The following COL23A1 variants were observed in gnomAD, a reference collection of about 807,000 sequenced individuals.
COL23A1 encodes collagen type XXIII alpha 1 chain.
COL23A1 carries 97 observed loss-of-function variants against 99.3 expected under a neutral mutation model. The ratio of observed to expected loss-of-function variants is 0.98; its 90% CI spans 0.83 to 1.16. The LOEUF is 1.16. Ranked by LOEUF, COL23A1 falls within the 50% of genes most tolerant of loss-of-function variation. The pLI is 0.00. For synonymous variants in COL23A1, 320 were observed against 308.2 expected (o/e 1.04, Z -0.40); for missense variants, 762 against 757.4 (o/e 1.01, Z -0.07).
At chr5:178,247,930 C>A in intron 20 of COL23A1, 99 bp from the exon 21 acceptor site, 1 of 1,113,324 alleles carries the variant, frequency 9.0e-7, no homozygotes, top group Non-Finnish European at 1.3e-6. Context: ...AGTCTCCTTC[C>A]TGCCCCCCAG....
At chr5:178,578,091 GCATGCACACGCCCACATGCACACATT>G (rs1763478185) in intron 1 of COL23A1, among the ~76,000 whole-genome samples, 1 of 149,924 alleles carries the variant, frequency 6.7e-6, no homozygotes, top group Admixed American at 6.6e-5. Context: ...ACACACACAT[GCATGCACACGCCCACATGCACACATT>G]CATGCACACA....
At chr5:178,478,527 C>G (rs1168092842) in intron 2 of COL23A1, among the ~76,000 whole-genome samples, 1 of 152,188 alleles carries the variant, frequency 6.6e-6, no homozygotes, top group Non-Finnish European at 1.5e-5. Context: ...CCAGTATCCC[C>G]CACACCAGCA....
At chr5:178,379,654 G>A (rs1361568594) in intron 2 of COL23A1, among the ~76,000 whole-genome samples, 3 of 152,126 alleles carry the variant, frequency 2.0e-5, no homozygotes, top group Admixed American at 2.0e-4. Context: ...GGCCGAGGTG[G>A]GCGGATCACC....
chr5:178,366,221 T>C lies in COL23A1; in HGVS notation c.362-59302A>G, dbSNP rs1031701451. 2.0e-5 allele frequency among the ~76,000 whole-genome samples: 3 copies of C among 152,206 alleles called. No homozygotes were observed. The highest frequency in any genetic ancestry group is 2.0e-4 in the Admixed American group (3 of 15,282). ...CCCAGGGTTCACTCTGCAACTCTGC[T>C]GGCTGAAGGGCCTGCTCCCAGCCCA... is the stretch of plus-strand genomic sequence containing the variant. On this transcript the variant is annotated intron_variant, in intron 2 of 28. Transcript: ENST00000390654. This position sits in a 1 kb window ranked among gnomAD's most constrained non-coding sequence, Gnocchi z 4.4.
intron 2 of COL23A1, among the ~76,000 whole-genome samples, chr5:178,312,375 A>C (rs573432140): frequency 6.6e-6 from 1 of 152,260 alleles, no homozygotes; most frequent in East Asian, 1.9e-4. Flanking sequence ...CACAGTAAAC[A>C]ACTCCAGGGA....
chr5:178,557,344 T>TCACA (rs1430593200), intron 2 of COL23A1, among the ~76,000 whole-genome samples: 1 of 152,206 alleles, frequency 6.6e-6, no homozygotes, highest in African/African-American at 2.4e-5. Flanking sequence ...AAGGTCACAT[T>TCACA]CACAGGTACT....
intron 2 of COL23A1, among the ~76,000 whole-genome samples, chr5:178,337,521 G>A (rs527319464): frequency 1.3e-5 from 2 of 152,328 alleles, no homozygotes; most frequent in African/African-American, 4.8e-5. Flanking sequence ...CAGAGTGGGT[G>A]GAAAGACAGA....
chr5:178,466,111 G>T (rs1469296940), intron 2 of COL23A1, among the ~76,000 whole-genome samples: 2 of 152,124 alleles, frequency 1.3e-5, no homozygotes, highest in African/African-American at 4.8e-5. Flanking sequence ...TCCAAGCCGT[G>T]GGCCTCAGAG....
rs528189649 is a variant in COL23A1, at chr5:178,345,816, C to T, written c.362-38897G>A. ...CTGGGATTATAGGTATGAGCCGTTG[C>T]GCCCGGACTTTTTGAAACCATTTTA... On this transcript the variant is annotated intron_variant, in intron 2 of 28. Transcript: ENST00000390654. Among the ~76,000 whole-genome samples, 9 of 152,034 alleles carry T rather than the reference C, an allele frequency of 5.9e-5. No individual in the cohort carries two copies. In the East Asian group the frequency reaches 7.7e-4, roughly 13 times the overall value.
chr5:178,353,140 G>C (rs536815655), intron 2 of COL23A1, among the ~76,000 whole-genome samples: 1 of 152,160 alleles, frequency 6.6e-6, no homozygotes, highest in South Asian at 2.1e-4. Context: ...AAAAAGACTG[G>C]AAACAATTCC....
chr5:178,437,091 A>T (rs1389345142), intron 2 of COL23A1, among the ~76,000 whole-genome samples: 5 of 152,120 alleles, frequency 3.3e-5, no homozygotes, highest in African/African-American at 9.7e-5. Flanking sequence ...ACCTCAGTGG[A>T]GTATAATCTT....
intron 2 of COL23A1, among the ~76,000 whole-genome samples, chr5:178,424,173 C>T (rs1722143628): frequency 6.6e-6 from 1 of 152,314 alleles, no homozygotes; most frequent in Admixed American, 6.5e-5. Context: ...CTTGCAGGCC[C>T]GCAGCTATTC....
In COL23A1 at chr5:178,387,120, C is replaced by T. The variant is rs924680553; in HGVS notation, c.362-80201G>A. ...CTCCCACGGCAGCTTCTCATCACCC[C>T]GTCTGGAACCAACAACACCCTCTTT... On this transcript the variant is annotated intron_variant, in intron 2 of 28. Coordinates refer to ENST00000390654, the MANE Select transcript of COL23A1 (RefSeq NM_173465.4). The surrounding 1 kb of genome is among the most constrained non-coding windows in gnomAD (Gnocchi z 4.7). Among the ~76,000 whole-genome samples, 14 of 152,162 alleles carry T rather than the reference C, an allele frequency of 9.2e-5. No individual in the cohort carries two copies. Among genetic ancestry groups the T allele is most frequent in the African/African-American group, 2.4e-4 (10 of 41,518 alleles).
At chr5:178,404,584 C>T (rs1269275065) in intron 2 of COL23A1, among the ~76,000 whole-genome samples, 2 of 66,310 alleles carry the variant, frequency 3.0e-5, no homozygotes, top group Non-Finnish European at 4.3e-5. Flanking sequence ...CCCAGCCCCT[C>T]CATTGGTCCC....
intron 22 of COL23A1, 85 bp downstream of exon 22, chr5:178,247,441 C>T (rs76793520): frequency 5.3e-5 from 79 of 1,489,596 alleles, no homozygotes; most frequent in Non-Finnish European, 1.9e-5. Context: ...GAGCGTCAGG[C>T]CCTTTGCTTT....
chr5:178,589,054 G>A lies in COL23A1; in HGVS notation c.294+850C>T, dbSNP rs1764136371. ...ACTGCCGCACATGCCGCACACAAAA[G>A]GCGGAGGCTTTGACCAACATGCTGG... is the stretch of plus-strand genomic sequence containing the variant. On this transcript the variant is annotated intron_variant, in intron 1 of 28. Transcript: ENST00000390654. The surrounding 1 kb of genome is among the most constrained non-coding windows in gnomAD (Gnocchi z 5.4). Among the ~76,000 whole-genome samples, 1 of 152,196 alleles carries A rather than the reference G, an allele frequency of 6.6e-6. No individual in the cohort carries two copies. The highest frequency in any genetic ancestry group is 6.5e-5 in the Admixed American group (1 of 15,284).
Position 178,502,193 on chromosome 5 carries a change from G to A in COL23A1, c.361+58489C>T, listed in dbSNP as rs553627117. On this transcript the variant is annotated intron_variant, in intron 2 of 28. Transcript: ENST00000390654. ...GTCGCCCAGGCTGGAGTGCAGTGGC[G>A]TGATCTCGGCCCACTGCAAGCTCTG... Among the ~76,000 whole-genome samples, 20 of 152,254 alleles carry A rather than the reference G, an allele frequency of 1.3e-4. No individual in the cohort carries two copies. In the East Asian group the frequency reaches 2.7e-3, roughly 21 times the overall value.
chr5:178,250,150 A>T, intron 17 of COL23A1, 45 bp from the exon 18 acceptor site: 1 of 1,611,912 alleles, frequency 6.2e-7, no homozygotes, highest in Non-Finnish European at 8.5e-7. Context: ...TTCCTTTCCT[A>T]AAGAGGTGTC....
At chr5:178,355,108 A>G (rs1761563925) in intron 2 of COL23A1, among the ~76,000 whole-genome samples, 1 of 152,122 alleles carries the variant, frequency 6.6e-6, no homozygotes, top group Non-Finnish European at 1.5e-5. Context: ...CTGTTTACAT[A>G]GCATTTACAT....
Sources: gnomAD v4.1 joint callset for allele counts (sites outside exome capture counted in the v4.1 genomes callset) on GRCh38, gnomAD v4.1.1 for gene constraint, Gnocchi (gnomAD v3.1) non-coding constraint, MANE v1.5 for transcripts, NCBI Gene and HGNC (gene_info 2026-07-23, HGNC 2026-07-21) for gene names.